The following CCSER1 variants were observed in gnomAD, a reference collection of about 807,000 sequenced individuals.
CCSER1 encodes coiled-coil serine rich protein 1, also known as serine-rich coiled-coil domain-containing protein 1.
Under a neutral mutation model 82.0 loss-of-function variants are expected in CCSER1, and 41 were observed. The observed-to-expected ratio is 0.50, with a 90% CI of 0.39 to 0.65. The LOEUF (loss-of-function observed/expected upper bound fraction) is 0.65. CCSER1 is among the 30% of genes least tolerant of loss of function. The pLI is 0.00. For missense variants in CCSER1, 1,119 were observed against 1,064.2 expected, an observed-to-expected ratio of 1.05 and a Z score of -0.72; for synonymous variants, 414 against 383.9, an observed-to-expected ratio of 1.08 and a Z score of -0.92.
intron 8 of CCSER1, among the ~76,000 whole-genome samples, chr4:90,870,156 C>T (rs1426383664): frequency 6.6e-6 from 1 of 151,742 alleles, no homozygotes; most frequent in African/African-American, 2.4e-5. Context: ...AATTTGACTT[C>T]TTCATTTCCA....
At chr4:90,568,646 T>C (rs1779708885) in intron 5 of CCSER1, among the ~76,000 whole-genome samples, 1 of 152,142 alleles carries the variant, frequency 6.6e-6, no homozygotes. Context: ...ATTTAATCCA[T>C]TTACATTCTA....
At position 90,508,515 on chromosome 4, in the gene CCSER1, C is replaced by T. The variant is rs536897345; in HGVS notation, c.1724+40161C>T. On this transcript the variant is annotated intron_variant, in intron 5 of 10. Coordinates refer to ENST00000509176, the MANE Select transcript of CCSER1 (RefSeq NM_001145065.2). ...ATAGGAATCCTCCAATCTTTCTCAG[C>T]GTTATAGCATTTGGGCCTAACCTCC... Among the ~76,000 whole-genome samples, 14 of 152,088 alleles carry T rather than the reference C, an allele frequency of 9.2e-5. No individual in the cohort carries two copies. In the South Asian group the frequency reaches 2.1e-3, roughly 23 times the overall value.
At chr4:90,479,522 C>T (rs189520126) in intron 5 of CCSER1, among the ~76,000 whole-genome samples, 2 of 151,994 alleles carry the variant, frequency 1.3e-5, no homozygotes, top group East Asian at 3.9e-4. Context: ...GCTATCCCTC[C>T]CCGCTCCCCC....
intron 7 of CCSER1, among the ~76,000 whole-genome samples, chr4:90,765,457 C>T (rs747661808): frequency 2.0e-4 from 31 of 152,052 alleles, no homozygotes; most frequent in Non-Finnish European, 4.3e-4. Context: ...AGGTATTTTA[C>T]CCAAAGCTCC....
At chr4:91,368,620 A>G (rs1749807349) in intron 10 of CCSER1, among the ~76,000 whole-genome samples, 1 of 152,070 alleles carries the variant, frequency 6.6e-6, no homozygotes, top group Admixed American at 6.6e-5. Context: ...AGCTTATTTT[A>G]GCTCCTCTGT....
At chr4:91,313,985 CTCT>C (rs751226898) in intron 10 of CCSER1, among the ~76,000 whole-genome samples, 4 of 151,980 alleles carry the variant, frequency 2.6e-5, no homozygotes, top group Non-Finnish European at 4.4e-5. Flanking sequence ...AGATCTCTAT[CTCT>C]TTTTACCACG....
chr4:90,719,104 C>T (rs1332664178), intron 6 of CCSER1, among the ~76,000 whole-genome samples: 1 of 152,042 alleles, frequency 6.6e-6, no homozygotes, highest in African/African-American at 2.4e-5. Context: ...AGGAGGTGAG[C>T]GGAGGGCGAG....
intron 10 of CCSER1, among the ~76,000 whole-genome samples, chr4:91,233,257 C>A (rs570399367): frequency 6.6e-6 from 1 of 151,954 alleles, no homozygotes; most frequent in South Asian, 2.1e-4. Flanking sequence ...TAAACTCTCT[C>A]AGTAGTCTTT....
At chr4:90,394,922 A>T (rs2153541114) in intron 3 of CCSER1, among the ~76,000 whole-genome samples, 1 of 152,282 alleles carries the variant, frequency 6.6e-6, no homozygotes, top group South Asian at 2.1e-4. Context: ...TCACATATTT[A>T]TCATTTTTGT....
chr4:91,479,018 C>A (rs1357838188), intron 10 of CCSER1, among the ~76,000 whole-genome samples: 1 of 151,528 alleles, frequency 6.6e-6, no homozygotes, highest in Non-Finnish European at 1.5e-5. Context: ...TGTAGTAGCA[C>A]AATTGCAAAT....
chr4:91,280,371 C>T (rs1050533686), intron 10 of CCSER1, among the ~76,000 whole-genome samples: 2 of 152,138 alleles, frequency 1.3e-5, no homozygotes, highest in African/African-American at 2.4e-5. Flanking sequence ...CCCAAGAAGT[C>T]CACTCCACTG....
In CCSER1 at chr4:91,508,858, A is replaced by G. The variant is rs530976158; in HGVS notation, c.2218-89714A>G. On this transcript the variant is annotated intron_variant, in intron 10 of 10. Coordinates refer to ENST00000509176, the MANE Select transcript of CCSER1 (RefSeq NM_001145065.2). ...TGGGGAGTTTGTCCATTTTAGCTATATTACCTAATATTGGTATATGGTGAT... is the reference window on the plus strand; with the variant it reads ...TGGGGAGTTTGTCCATTTTAGCTATGTTACCTAATATTGGTATATGGTGAT... 2.0e-5 allele frequency among the ~76,000 whole-genome samples: 3 copies of G among 151,704 alleles called. No individual in the cohort carries two copies. In the South Asian group the frequency reaches 6.2e-4, roughly 31 times the overall value.
At chr4:90,609,649 C>T (rs1785190266) in intron 5 of CCSER1, among the ~76,000 whole-genome samples, 1 of 151,920 alleles carries the variant, frequency 6.6e-6, no homozygotes, top group Admixed American at 6.6e-5. Context: ...CAAATGTTAC[C>T]CAATTGAGAT....
chr4:91,308,527 T>G (rs943631875), intron 10 of CCSER1, among the ~76,000 whole-genome samples: 1 of 152,022 alleles, frequency 6.6e-6, no homozygotes, highest in African/African-American at 2.4e-5. Flanking sequence ...GAAGAATCTT[T>G]GCTAAAGAAC....
Position 90,967,906 on chromosome 4 carries a change from A to C in CCSER1, c.2172+44459A>C, listed in dbSNP as rs538252716. Among the ~76,000 whole-genome samples, 6 of 152,234 alleles carry C rather than the reference A, an allele frequency of 3.9e-5. 1 individual carries two copies. The highest frequency in any genetic ancestry group is 1.4e-4 in the African/African-American group (6 of 41,492). ...ATCCAAAAATAGACACACTGAAAAA[A>C]GTAAGAAGAACAGTTTTACTTTATC... On this transcript the variant is annotated intron_variant, in intron 9 of 10. Transcript: ENST00000509176.
chr4:90,545,514 T>C (rs1234109140), intron 5 of CCSER1, among the ~76,000 whole-genome samples: 6 of 152,128 alleles, frequency 3.9e-5, no homozygotes, highest in Non-Finnish European at 7.4e-5. Flanking sequence ...CTCGAAACCC[T>C]AATAGTTGGA....
chr4:90,297,790 T>G (rs1318625871), intron 1 of CCSER1, among the ~76,000 whole-genome samples: 1 of 152,116 alleles, frequency 6.6e-6, no homozygotes, highest in Non-Finnish European at 1.5e-5. Context: ...ATATGCTGGA[T>G]TACATTTATT....
intron 5 of CCSER1, among the ~76,000 whole-genome samples, chr4:90,482,156 T>G (rs1258052460): frequency 6.6e-6 from 1 of 152,178 alleles, no homozygotes; most frequent in Non-Finnish European, 1.5e-5. Flanking sequence ...AGTTTATTTG[T>G]GTAGAGGTGT....
intron 10 of CCSER1, among the ~76,000 whole-genome samples, chr4:91,164,335 C>A (rs1378807743): frequency 6.6e-6 from 1 of 151,906 alleles, no homozygotes; most frequent in Non-Finnish European, 1.5e-5. Context: ...GTGGGTAACC[C>A]GACCTTTCTC....
Sources: allele counts gnomAD v4.1 joint callset (sites outside exome capture counted in the v4.1 genomes callset), GRCh38; gene constraint gnomAD v4.1.1; transcripts MANE v1.5; gene names NCBI Gene and HGNC (gene_info 2026-07-23, HGNC 2026-07-21).